The following SH3GL2 variants were observed in gnomAD, a reference collection of about 807,000 sequenced individuals.
SH3GL2 encodes the protein SH3 domain containing GRB2 like 2, endophilin A1, also known as endophilin-A1.
A neutral mutation model predicts 46.0 loss-of-function variants in SH3GL2; 24 were observed. The ratio of observed to expected loss-of-function variants is 0.52; its 90% CI spans 0.38 to 0.73. SH3GL2 has a LOEUF of 0.73. SH3GL2 is among the 30% of genes least tolerant of loss of function. SH3GL2 has a pLI of 0.00. For missense variants in SH3GL2, 413 were observed against 424.2 expected (o/e 0.97, Z 0.23); for synonymous variants, 196 against 147.1 (o/e 1.33, Z -2.40).
chr9:17,787,811 C>G (rs1219263402), intron 5 of SH3GL2, among the ~76,000 whole-genome samples: 1 of 152,240 alleles, frequency 6.6e-6, no homozygotes, highest in Admixed American at 6.5e-5. Context: ...TGAGAATACA[C>G]AGTTTTGTTA....
chr9:17,719,960 G>A (rs1228412219), intron 1 of SH3GL2, among the ~76,000 whole-genome samples: 2 of 145,366 alleles, frequency 1.4e-5, no homozygotes, highest in African/African-American at 5.6e-5. Context: ...TTTTATTTCT[G>A]TTTACTAATT....
intron 7 of SH3GL2, among the ~76,000 whole-genome samples, chr9:17,791,619 G>A (rs1056234802): frequency 2.0e-5 from 3 of 152,172 alleles, no homozygotes; most frequent in Non-Finnish European, 4.4e-5. Flanking sequence ...GATGCCATTT[G>A]CTGAGCAGTT....
chr9:17,739,824 G>A (rs187597623), intron 1 of SH3GL2, among the ~76,000 whole-genome samples: 1 of 152,124 alleles, frequency 6.6e-6, no homozygotes, highest in African/African-American at 2.4e-5. Context: ...TAGTCTATGG[G>A]AATTTTTCAC....
At chr9:17,637,353 A>G (rs548553839) in intron 1 of SH3GL2, among the ~76,000 whole-genome samples, 4 of 152,200 alleles carry the variant, frequency 2.6e-5, no homozygotes, top group South Asian at 4.1e-4. Context: ...CCAGTCTTAC[A>G]TAAGAGGCTG....
chr9:17,743,870 C>CA (rs765656735), intron 1 of SH3GL2, among the ~76,000 whole-genome samples: 1 of 152,166 alleles, frequency 6.6e-6, no homozygotes, highest in Non-Finnish European at 1.5e-5. Context: ...ATGTGATTAA[C>CA]ACAGGGTTAC....
At position 17,623,705 on chromosome 9, in the gene SH3GL2, TACACAC is replaced by T. The variant is rs10660392; in HGVS notation, c.45+44445_45+44450del. On this transcript the variant is annotated intron_variant, in intron 1 of 8. Coordinates refer to ENST00000380607, the MANE Select transcript of SH3GL2 (RefSeq NM_003026.5). Reference sequence around the variant, plus strand: ...ATATTTAACCCTATTTATAATTTCCTACACACACACACACACACACACACACACACA... The same window carrying T: ...ATATTTAACCCTATTTATAATTTCCTACACACACACACACACACACACACA... Among the ~76,000 whole-genome samples, 285 of 147,858 alleles carry T rather than the reference TACACAC, an allele frequency of 1.9e-3. 1 individual carries two copies. The highest frequency in any genetic ancestry group is 3.8e-3 in the African/African-American group (151 of 40,240).
intron 1 of SH3GL2, among the ~76,000 whole-genome samples, chr9:17,608,739 G>A (rs1187447790): frequency 5.3e-5 from 8 of 152,098 alleles, no homozygotes; most frequent in Admixed American, 1.3e-4. Flanking sequence ...TATTCCTGAA[G>A]GTTAAAAACA....
chr9:17,642,148 A>G (rs934673941), intron 1 of SH3GL2, among the ~76,000 whole-genome samples: 1 of 152,180 alleles, frequency 6.6e-6, no homozygotes, highest in Non-Finnish European at 1.5e-5. Flanking sequence ...TTGGCTGCAT[A>G]AATGGCTTCT....
chr9:17,789,832 A>G (rs1259909277), intron 6 of SH3GL2: 4 of 895,774 alleles, frequency 4.5e-6, no homozygotes, highest in East Asian at 2.4e-4. Flanking sequence ...TGAATATATC[A>G]TGTAATTTAT....
chr9:17,689,518 C>G (rs1821017537), intron 1 of SH3GL2, among the ~76,000 whole-genome samples: 1 of 152,052 alleles, frequency 6.6e-6, no homozygotes, highest in Admixed American at 6.6e-5. Context: ...ATGACCCCTC[C>G]TTTTGAGTGT....
At chr9:17,651,440 C>T (rs1369592304) in intron 1 of SH3GL2, among the ~76,000 whole-genome samples, 1 of 152,064 alleles carries the variant, frequency 6.6e-6, no homozygotes, top group African/African-American at 2.4e-5. Context: ...TAGATTAATT[C>T]CAAGATGTAT....
intron 1 of SH3GL2, among the ~76,000 whole-genome samples, chr9:17,649,336 G>A (rs1819899054): frequency 6.6e-6 from 1 of 152,162 alleles, no homozygotes; most frequent in South Asian, 2.1e-4. Context: ...CAAAGTGCTG[G>A]GATTACAGGC....
rs1005573656 is a variant in SH3GL2, at chr9:17,585,535, A to C, written c.45+6248A>C. Among the ~76,000 whole-genome samples the C allele has an allele frequency of 1.6e-4, 24 of 152,312 alleles. No homozygotes were observed. The East Asian group carries it at 4.6e-3, about 29-fold the overall frequency. ...TTATACTCACATGTCTTAGAATGAC[A>C]ATCACTGTACAGGAGGATAGGAGGG... On this transcript the variant is annotated intron_variant, in intron 1 of 8. Coordinates refer to ENST00000380607, the MANE Select transcript of SH3GL2 (RefSeq NM_003026.5).
Position 17,590,254 on chromosome 9 carries a change from A to G in SH3GL2, c.45+10967A>G, listed in dbSNP as rs151188103. On this transcript the variant is annotated intron_variant, in intron 1 of 8. Transcript: ENST00000380607. ...ACTGCTTAAGTGGCTGCATCTGGGC[A>G]AGAAGGACCTACAAACCCTTTGCCA... The G allele has an allele frequency of 7.3e-3, 1,118 of 152,366 alleles. 6 individuals are homozygous for G. Among genetic ancestry groups the G allele is most frequent in the African/African-American group, 0.011 (453 of 41,570 alleles). 9.4% of individuals were successfully genotyped at this position (152,366 alleles called of 1,614,324 possible).
At position 17,786,442 on chromosome 9, in the gene SH3GL2, G is replaced by A; in HGVS notation, c.249G>A (p.Gly83=). 1 of 1,613,448 alleles carries A rather than the reference G, an allele frequency of 6.2e-7. No individual in the cohort carries two copies. Reference sequence around the variant, plus strand: ...CAAAAATCCGTGGCCAGGAGAAGGGGCCAGGCTATCCTCAGGCAGAGGCGC... The same window carrying A: ...CAAAAATCCGTGGCCAGGAGAAGGGACCAGGCTATCCTCAGGCAGAGGCGC... ...TMSKIRGQEK[G]PGYPQAEALL... The change falls in exon 4 of 9, where the codon GGG becomes GGA. Residue 83 remains glycine, a synonymous_variant. Coordinates refer to ENST00000380607, the MANE Select transcript of SH3GL2 (RefSeq NM_003026.5).
chr9:17,777,476 C>G (rs1347333885), intron 3 of SH3GL2, among the ~76,000 whole-genome samples: 1 of 152,062 alleles, frequency 6.6e-6, no homozygotes, highest in African/African-American at 2.4e-5. Flanking sequence ...TCATTTTCCC[C>G]CGGAACCTCA....
At chr9:17,666,885 G>C (rs1820357632) in intron 1 of SH3GL2, among the ~76,000 whole-genome samples, 1 of 152,148 alleles carries the variant, frequency 6.6e-6, no homozygotes, top group Admixed American at 6.5e-5. Flanking sequence ...CAAGTTGTGA[G>C]AGGACCTATT....
At chr9:17,643,426 A>T (rs558393305) in intron 1 of SH3GL2, among the ~76,000 whole-genome samples, 2 of 152,274 alleles carry the variant, frequency 1.3e-5, no homozygotes, top group Admixed American at 1.3e-4. Flanking sequence ...ACTATGTTGA[A>T]TAGGAGTGGT....
At chr9:17,635,076 C>T (rs190442214) in intron 1 of SH3GL2, among the ~76,000 whole-genome samples, 221 of 152,262 alleles carry the variant, frequency 1.5e-3, no homozygotes, top group African/African-American at 5.2e-3. Flanking sequence ...CAGATGATTT[C>T]ATCACCCAGG....
Sources: gnomAD v4.1 joint callset for allele counts (sites outside exome capture counted in the v4.1 genomes callset) on GRCh38, gnomAD v4.1.1 for gene constraint, MANE v1.5 for transcripts, NCBI Gene and HGNC (gene_info 2026-07-23, HGNC 2026-07-21) for gene names.